EP300: variants seen among roughly 807,000 people sequenced by gnomAD.
EP300 encodes histone acetyltransferase p300.
A neutral mutation model predicts 264.0 loss-of-function variants in EP300; 31 were observed. The observed-to-expected ratio is 0.12, with a 90% CI of 0.09 to 0.16. The LOEUF (loss-of-function observed/expected upper bound fraction) is 0.16, where lower values mean the gene tolerates loss of function less well. Among genes scored for constraint, EP300 ranks in the 10% least tolerant of loss-of-function variants. EP300 has a pLI of 1.00. For missense variants in EP300, 2,766 were observed against 3,052.9 expected (o/e 0.91, Z 2.21); for synonymous variants, 1,340 against 1,045.4 (o/e 1.28, Z -5.44).
chr22:41,164,188 GT>G, intron 22 of EP300, 58 bp downstream of exon 22: 2 of 1,473,668 alleles, frequency 1.4e-6, no homozygotes, highest in Non-Finnish European at 1.9e-6. Context: ...ATATTAACAA[GT>G]TTTTTATTCT....
intron 6 of EP300, among the ~76,000 whole-genome samples, chr22:41,133,406 C>T (rs562314278): frequency 1.3e-5 from 2 of 152,100 alleles, no homozygotes; most frequent in South Asian, 2.1e-4. Flanking sequence ...CTGCCTCAAC[C>T]TCCCAAAGTG....
At chr22:41,169,041 A>C (rs935654039) in intron 25 of EP300, 174 bp downstream of exon 25, 75 of 814,114 alleles carry the variant, frequency 9.2e-5, no homozygotes, top group Non-Finnish European at 5.5e-5. Context: ...CCCCAAACAA[A>C]ATAACCGCTC....
intron 1 of EP300, among the ~76,000 whole-genome samples, chr22:41,095,319 C>G (rs899431738): frequency 7.1e-6 from 1 of 140,748 alleles, no homozygotes; most frequent in African/African-American, 2.7e-5. Flanking sequence ...ACTACAACCT[C>G]TGCCTCCTGG....
At chr22:41,171,542 G>T (rs954184211) in intron 27 of EP300, among the ~76,000 whole-genome samples, 3 of 151,962 alleles carry the variant, frequency 2.0e-5, no homozygotes, top group East Asian at 1.9e-4. Context: ...TCACCATGTT[G>T]CCCAGGCTGG....
intron 29 of EP300, 85 bp downstream of exon 29, chr22:41,173,869 T>C (rs1412882697): frequency 2.6e-6 from 4 of 1,560,936 alleles, no homozygotes; most frequent in South Asian, 2.2e-5. Context: ...CCCAGCACTT[T>C]GGGAGGCCAA....
chr22:41,121,478 TGGGAGATG>T (rs989890233), intron 2 of EP300, among the ~76,000 whole-genome samples: 19 of 152,122 alleles, frequency 1.2e-4, no homozygotes, highest in Non-Finnish European at 1.9e-4. Context: ...CAGATCTGTG[TGGGAGATG>T]GAAAAACAAA....
Position 41,177,986 on chromosome 22 carries a change from A to G in EP300, c.6275A>G (p.Tyr2092Cys). The change falls in exon 31 of 31, where the codon TAT (tyrosine) becomes TGT (cysteine). Residue 2092 changes from tyrosine (Y) to cysteine (C), a missense_variant. Tyr to Cys is a radical substitution (Grantham distance 194). Transcript: ENST00000263253. ...AAFIKQRAAK[Y>C]ANSNPQPIPG... Reference sequence around the variant, plus strand: ...TTCATCAAGCAGCGGGCTGCCAAGTATGCCAACTCTAATCCACAACCCATC... The same window carrying G: ...TTCATCAAGCAGCGGGCTGCCAAGTGTGCCAACTCTAATCCACAACCCATC... The G allele has an allele frequency of 6.2e-7, 1 of 1,614,154 alleles. No individual in the cohort carries two copies. The highest frequency in any genetic ancestry group is 8.5e-7 in the Non-Finnish European group (1 of 1,180,018).
intron 16 of EP300, among the ~76,000 whole-genome samples, 165 bp downstream of exon 16, chr22:41,152,515 CTTT>C (rs74973464): frequency 7.1e-6 from 1 of 141,674 alleles, no homozygotes. Context: ...ATTTTTCTTT[CTTT>C]TTTTTTTTTT....
intron 16 of EP300, 62 bp from the exon 17 acceptor site, chr22:41,154,933 G>T (rs2059068138): frequency 2.6e-6 from 3 of 1,132,128 alleles, no homozygotes; most frequent in South Asian, 1.2e-5. Flanking sequence ...CAGGCTGAAT[G>T]ATTTTTTAAA....
chr22:41,111,826 A>G (rs962842427), intron 1 of EP300, among the ~76,000 whole-genome samples: 2 of 145,034 alleles, frequency 1.4e-5, no homozygotes, highest in African/African-American at 5.2e-5. Context: ...GGTGAGAACC[A>G]CCATGCCCGG....
chr22:41,168,621 C>T (rs747600273), intron 24 of EP300, 22 bp downstream of exon 24: 2 of 1,614,178 alleles, frequency 1.2e-6, no homozygotes, highest in South Asian at 1.1e-5. Flanking sequence ...TTTCACTTTT[C>T]TTCTCCTCGT....
chr22:41,169,030 C>A (rs2059155576), intron 25 of EP300, among the ~76,000 whole-genome samples, 163 bp downstream of exon 25: 1 of 152,112 alleles, frequency 6.6e-6, no homozygotes, highest in Admixed American at 6.6e-5. Flanking sequence ...AAAAAGCAAA[C>A]CCCCAAACAA....
intron 16 of EP300, 80 bp downstream of exon 16, chr22:41,152,430 G>A (rs1259222002): frequency 1.1e-5 from 17 of 1,519,876 alleles, no homozygotes; most frequent in Non-Finnish European, 1.4e-5. Context: ...ATGCCTCTTG[G>A]GCCTCAGAAG....
At chr22:41,124,420 G>C (rs2058869310) in intron 2 of EP300, among the ~76,000 whole-genome samples, 1 of 149,548 alleles carries the variant, frequency 6.7e-6, no homozygotes, top group African/African-American at 2.4e-5. Flanking sequence ...AAAAAACACT[G>C]TCATCAGTGT....
intron 1 of EP300, among the ~76,000 whole-genome samples, chr22:41,106,617 A>G (rs2058759308): frequency 6.6e-6 from 1 of 152,130 alleles, no homozygotes; most frequent in African/African-American, 2.4e-5. Flanking sequence ...CACTCTTTAA[A>G]AACATTAAGT....
intron 1 of EP300, among the ~76,000 whole-genome samples, chr22:41,103,710 T>C (rs1278827380): frequency 6.6e-6 from 1 of 152,052 alleles, no homozygotes; most frequent in Non-Finnish European, 1.5e-5. Context: ...GATGTTGGGG[T>C]TCTATTGTGG....
intron 30 of EP300, 118 bp from the exon 31 acceptor site, chr22:41,176,655 C>A (rs2145514495): frequency 6.2e-7 from 1 of 1,608,326 alleles, no homozygotes; most frequent in South Asian, 1.1e-5. Flanking sequence ...AGGGGCAGAG[C>A]TGAAGAGGCT....
chr22:41,137,605 T>G (rs1198283137), intron 7 of EP300, 48 bp from the exon 8 acceptor site: 2 of 1,613,066 alleles, frequency 1.2e-6, no homozygotes, highest in Non-Finnish European at 1.7e-6. Context: ...AAATGAGGTC[T>G]TCTCCTACCT....
At chr22:41,172,947 C>T (rs2145771063) in intron 28 of EP300, among the ~76,000 whole-genome samples, 1 of 152,258 alleles carries the variant, frequency 6.6e-6, no homozygotes, top group Admixed American at 6.5e-5. Context: ...GATTACTTAT[C>T]TGAAGGACTA....
Sources: allele counts gnomAD v4.1 joint callset (sites outside exome capture counted in the v4.1 genomes callset), GRCh38; gene constraint gnomAD v4.1.1; transcripts MANE v1.5; gene names NCBI Gene and HGNC (gene_info 2026-07-23, HGNC 2026-07-21).